NF1: variants seen among roughly 807,000 people sequenced by gnomAD.
NF1 encodes neurofibromin 1.
In NF1, 122 loss-of-function variants were observed where a neutral mutation model predicts 325.7. The ratio of observed to expected loss-of-function variants is 0.37; its 90% CI spans 0.32 to 0.44. The LOEUF (loss-of-function observed/expected upper bound fraction) is 0.44, where lower values mean the gene tolerates loss of function less well. NF1 is among the 20% of genes least tolerant of loss of function. The pLI, the probability that NF1 is intolerant of heterozygous loss-of-function variation, is 1.00. For missense variants in NF1, 2,140 were observed against 3,415.4 expected, an observed-to-expected ratio of 0.63 and a Z score of 9.31; for synonymous variants, 1,091 against 1,186.0, an observed-to-expected ratio of 0.92 and a Z score of 1.65.
chr17:31,274,229 G>GT (rs1252187374), intron 36 of NF1, among the ~76,000 whole-genome samples: 5 of 152,128 alleles, frequency 3.3e-5, no homozygotes, highest in African/African-American at 1.2e-4. Flanking sequence ...TATTAAACCA[G>GT]TCACCTTGAA....
intron 1 of NF1, among the ~76,000 whole-genome samples, chr17:31,113,828 C>T (rs1340738585): frequency 6.6e-6 from 1 of 152,164 alleles, no homozygotes; most frequent in Non-Finnish European, 1.5e-5. Flanking sequence ...ATCTTCTTTA[C>T]AAGAAGAAAA....
At chr17:31,162,035 C>CAAAAAA (rs781244510) in intron 3 of NF1, among the ~76,000 whole-genome samples, 8 of 54,106 alleles carry the variant, frequency 1.5e-4, no homozygotes, top group East Asian at 6.5e-4. Context: ...GACTCCATCT[C>CAAAAAA]AAAAAAAAAA....
At chr17:31,198,955 T>C (rs181482342) in intron 8 of NF1, among the ~76,000 whole-genome samples, 314 of 152,228 alleles carry the variant, frequency 2.1e-3, no homozygotes, top group Non-Finnish European at 3.9e-3. Context: ...AGTAATTTGG[T>C]GTTCTTTCTC....
chr17:31,219,725 T>TCCC, intron 14 of NF1, among the ~76,000 whole-genome samples: 1 of 149,436 alleles, frequency 6.7e-6, no homozygotes, highest in Admixed American at 6.8e-5. Flanking sequence ...GAAACTTGAC[T>TCCC]CCCCATTCCC....
intron 1 of NF1, among the ~76,000 whole-genome samples, chr17:31,147,338 TTCTG>T (rs1479441229): frequency 6.6e-6 from 1 of 152,274 alleles, no homozygotes. Context: ...TTGTTCTGAC[TTCTG>T]TCTGTCAGTA....
chr17:31,209,352 A>T (rs1457343773), intron 12 of NF1, among the ~76,000 whole-genome samples: 2 of 152,226 alleles, frequency 1.3e-5, no homozygotes, highest in East Asian at 3.8e-4. Flanking sequence ...AAAGTAAAAT[A>T]ATATCTGCTT....
intron 11 of NF1, among the ~76,000 whole-genome samples, chr17:31,201,768 G>C (rs1431754195): frequency 6.6e-6 from 1 of 152,128 alleles, no homozygotes; most frequent in Non-Finnish European, 1.5e-5. Context: ...AAGCCCTTGA[G>C]AAAAATGTCA....
intron 56 of NF1, chr17:31,359,276 A>G (rs369198284): frequency 2.1e-6 from 1 of 468,218 alleles, no homozygotes; most frequent in East Asian, 3.9e-5. Context: ...CCTCTGTGAT[A>G]CTTTTCTGCC....
chr17:31,368,432 C>T (rs1241867919), intron 57 of NF1, among the ~76,000 whole-genome samples: 2 of 152,124 alleles, frequency 1.3e-5, no homozygotes. Context: ...AGCCACAATA[C>T]CAAGCCAAAA....
intron 36 of NF1, among the ~76,000 whole-genome samples, chr17:31,322,639 A>T (rs77245265): frequency 2.3e-3 from 353 of 151,916 alleles, no homozygotes; most frequent in South Asian, 4.0e-3. Flanking sequence ...CCTGGGTAAC[A>T]TAGCAAGACT....
intron 27 of NF1, among the ~76,000 whole-genome samples, chr17:31,234,537 G>A (rs1022686627): frequency 5.3e-5 from 8 of 151,826 alleles, no homozygotes; most frequent in Non-Finnish European, 8.8e-5. Flanking sequence ...TCAGCTGGGC[G>A]TGGTGGCAGG....
intron 12 of NF1, among the ~76,000 whole-genome samples, chr17:31,211,847 C>T (rs1199549019): frequency 6.6e-6 from 1 of 152,124 alleles, no homozygotes; most frequent in Non-Finnish European, 1.5e-5. Flanking sequence ...AAGCCTAGGA[C>T]ATTACACTAC....
chr17:31,250,077 T>A, intron 30 of NF1: 1 of 485,298 alleles, frequency 2.1e-6, no homozygotes, highest in South Asian at 1.6e-5. Flanking sequence ...TTTTCACCAT[T>A]GCTATTTTTA....
In NF1 at chr17:31,227,263, T is replaced by C. The variant is rs863224657; in HGVS notation, c.2297T>C (p.Ile766Thr). 1.9e-6 allele frequency: 3 copies of C among 1,613,586 alleles called. No homozygotes were observed. Among genetic ancestry groups the C allele is most frequent in the Non-Finnish European group, 2.5e-6 (3 of 1,179,714 alleles). Residue 766 changes from isoleucine to threonine, a missense_variant, in exon 19 of 58, where the codon ATT becomes ACT. Around this residue, in one of 10 missense-constraint regions of NF1, gnomAD observed 380 missense variants for 639.3 expected, o/e 0.59. Coordinates refer to ENST00000358273, the MANE Select transcript of NF1 (RefSeq NM_001042492.3). Reference sequence around the variant, plus strand: ...AGAGTGATGGCACTGCTGAGGCGCATTGAGCATCCCACTGCAGGAAACACT... The same window carrying C: ...AGAGTGATGGCACTGCTGAGGCGCACTGAGCATCCCACTGCAGGAAACACT... Reference protein sequence around the residue: ...QKRVMALLRRIEHPTAGNTEA... With the variant: ...QKRVMALLRRTEHPTAGNTEA...
chr17:31,352,438 ATTTT>A (rs757338143), intron 51 of NF1, 24 bp downstream of exon 51: 1 of 1,515,554 alleles, frequency 6.6e-7, no homozygotes, highest in African/African-American at 1.4e-5. Context: ...AATTATGTAG[ATTTT>A]TTTTATTATT....
At chr17:31,184,055 A>G (rs149726003) in intron 8 of NF1, among the ~76,000 whole-genome samples, 193 of 152,258 alleles carry the variant, frequency 1.3e-3, no homozygotes, top group Non-Finnish European at 2.2e-3. Context: ...AGAGGAACGG[A>G]GTATTAAGGA....
rs2151601865 is a variant in NF1 at position 31,374,214 on chromosome 17, T to A, written c.*59T>A. On this transcript the variant is annotated 3_prime_UTR_variant, in exon 58 of 58. Coordinates refer to ENST00000358273, the MANE Select transcript of NF1 (RefSeq NM_001042492.3). ...ACATGGGCTCTTCACTAGTGACCCC[T>A]TCCCTGTCCTTGCCCTTTCCCCCCA... The A allele has an allele frequency of 6.2e-7, 1 of 1,605,402 alleles. No homozygotes were observed. The highest frequency in any genetic ancestry group is 8.5e-7 in the Non-Finnish European group (1 of 1,172,622).
intron 31 of NF1, 130 bp from the exon 32 acceptor site, chr17:31,258,208 AAAAAAT>A: frequency 1.1e-6 from 1 of 911,624 alleles, no homozygotes; most frequent in Non-Finnish European, 1.7e-6. Flanking sequence ...TGGGAGAAGA[AAAAAAT>A]AGAAATATGT....
intron 57 of NF1, chr17:31,361,475 GTTA>G (rs2070399782): frequency 6.6e-6 from 1 of 152,084 alleles, no homozygotes; most frequent in African/African-American, 2.4e-5. Flanking sequence ...TATTGTGTGT[GTTA>G]TTATGACAGT....
Sources: gnomAD v4.1 joint callset for allele counts (sites outside exome capture counted in the v4.1 genomes callset) on GRCh38, gnomAD v4.1.1 for gene constraint, gnomAD v4.1.1 regional missense constraint, MANE v1.5 for transcripts, NCBI Gene and HGNC (gene_info 2026-07-23, HGNC 2026-07-21) for gene names.